Variants in SLC14A2 observed in about 807,000 individuals in gnomAD.
SLC14A2 encodes solute carrier family 14 member 2.
Under a neutral mutation model 104.6 loss-of-function variants are expected in SLC14A2, and 91 were observed. The ratio of observed to expected loss-of-function variants is 0.87; its 90% CI spans 0.73 to 1.04. The LOEUF (loss-of-function observed/expected upper bound fraction) is 1.04. Ranked by LOEUF, SLC14A2 falls within the 50% of genes least tolerant of loss-of-function variation. SLC14A2 has a pLI of 0.00. For missense variants in SLC14A2, 1,189 were observed against 1,156.0 expected (o/e 1.03, Z -0.41); for synonymous variants, 476 against 466.4 (o/e 1.02, Z -0.27).
At chr18:45,578,536 T>C (rs556703017) in intron 2 of SLC14A2, among the ~76,000 whole-genome samples, 60 of 152,124 alleles carry the variant, frequency 3.9e-4, no homozygotes, top group African/African-American at 1.4e-3. Context: ...AGCCAAGGAG[T>C]AAGAAAGGTA....
Position 45,424,322 on chromosome 18 carries a change from G to A in SLC14A2, c.-124-58911G>A, listed in dbSNP as rs142761706. On this transcript the variant is annotated intron_variant, in intron 1 of 20. Coordinates refer to the SLC14A2 transcript ENST00000586448. ...CCTCATGTATAAAGGGGTTGGTTCTGTAGAGTGAGACTCCATCCAGTGCTC... is the reference window on the plus strand; with the variant it reads ...CCTCATGTATAAAGGGGTTGGTTCTATAGAGTGAGACTCCATCCAGTGCTC... 1.4e-4 allele frequency among the ~76,000 whole-genome samples: 22 copies of A among 152,330 alleles called. No individual in the cohort carries two copies. The East Asian group carries it at 3.9e-3, about 27-fold the overall frequency.
intron 2 of SLC14A2, among the ~76,000 whole-genome samples, chr18:45,505,468 G>T (rs1166348887): frequency 6.6e-6 from 1 of 152,184 alleles, no homozygotes; most frequent in Admixed American, 6.5e-5. Flanking sequence ...CCCTGAGAAT[G>T]CTCCTGGGTT....
intron 1 of SLC14A2, among the ~76,000 whole-genome samples, chr18:45,406,480 T>C (rs1462604558): frequency 6.6e-6 from 1 of 152,204 alleles, no homozygotes; most frequent in Non-Finnish European, 1.5e-5. Context: ...AAACACCTGT[T>C]AATGTTGTAA....
At chr18:45,678,446 A>G (rs2046260991) in intron 18 of SLC14A2, among the ~76,000 whole-genome samples, 1 of 152,162 alleles carries the variant, frequency 6.6e-6, no homozygotes, top group Non-Finnish European at 1.5e-5. Context: ...GTACATTTTA[A>G]TAGCTTCTCC....
At chr18:45,610,299 G>C (rs995885682) in intron 2 of SLC14A2, among the ~76,000 whole-genome samples, 1 of 152,150 alleles carries the variant, frequency 6.6e-6, no homozygotes, top group Non-Finnish European at 1.5e-5. Context: ...GGAGTAGCAA[G>C]GGCATAAAAT....
intron 1 of SLC14A2, among the ~76,000 whole-genome samples, chr18:45,285,858 A>G (rs540264217): frequency 6.6e-6 from 1 of 152,208 alleles, no homozygotes; most frequent in African/African-American, 2.4e-5. Context: ...TCTGCACTAC[A>G]TTTCCTCAGA....
intron 1 of SLC14A2, among the ~76,000 whole-genome samples, chr18:45,232,265 C>T (rs1389023836): frequency 1.3e-5 from 2 of 152,132 alleles, no homozygotes; most frequent in Non-Finnish European, 2.9e-5. Context: ...GAAGCAAGCA[C>T]ATCTTATGTG....
chr18:45,304,831 T>C (rs1326491749), intron 1 of SLC14A2, among the ~76,000 whole-genome samples: 1 of 152,176 alleles, frequency 6.6e-6, no homozygotes, highest in East Asian at 1.9e-4. Flanking sequence ...CCCAAGAAGT[T>C]CATGAACCCT....
At chr18:45,233,051 C>A (rs560677728) in intron 1 of SLC14A2, among the ~76,000 whole-genome samples, 36 of 152,178 alleles carry the variant, frequency 2.4e-4, no homozygotes, top group Non-Finnish European at 4.4e-4. Flanking sequence ...CCCCCTCTTG[C>A]AGTTGTCTTT....
At chr18:45,352,358 T>C (rs1389258672) in intron 1 of SLC14A2, among the ~76,000 whole-genome samples, 1 of 152,182 alleles carries the variant, frequency 6.6e-6, no homozygotes, top group East Asian at 1.9e-4. Context: ...AGTTTTCCTC[T>C]TTTAGGTAGA....
At chr18:45,278,695 T>C (rs1047647112) in intron 1 of SLC14A2, among the ~76,000 whole-genome samples, 5 of 152,158 alleles carry the variant, frequency 3.3e-5, no homozygotes, top group Admixed American at 6.5e-5. Context: ...GAAACCTGTA[T>C]ATACTTGGAT....
At chr18:45,542,035 G>GTTTTTTTTTTTTTTTTTTTTTTTTTTT (rs60977948) in intron 2 of SLC14A2, among the ~76,000 whole-genome samples, 3 of 54,234 alleles carry the variant, frequency 5.5e-5, no homozygotes, top group African/African-American at 1.2e-4. Context: ...AAGAGAGAGG[G>GTTTTTTTTTTTTTTTTTTTTTTTTTTT]TTTTTTTTTT....
At chr18:45,313,412 C>T (rs965287790) in intron 1 of SLC14A2, among the ~76,000 whole-genome samples, 5 of 152,232 alleles carry the variant, frequency 3.3e-5, no homozygotes, top group Non-Finnish European at 7.3e-5. Flanking sequence ...CAACTAGACT[C>T]TTGACTAGGC....
chr18:45,650,174 ATTTGACC>A (rs939177322), intron 10 of SLC14A2, among the ~76,000 whole-genome samples: 10 of 1,186 alleles, frequency 8.4e-3, no homozygotes, highest in Non-Finnish European at 0.038. Flanking sequence ...TTGACCTTCC[ATTTGACC>A]AGGCCAGTGA....
intron 1 of SLC14A2, among the ~76,000 whole-genome samples, chr18:45,468,034 C>A (rs965080490): frequency 5.9e-5 from 9 of 152,134 alleles, no homozygotes; most frequent in African/African-American, 2.2e-4. Context: ...TCTCCTCTAC[C>A]AGCCACCACC....
chr18:45,501,464 T>C (rs1281081659), intron 2 of SLC14A2, among the ~76,000 whole-genome samples: 1 of 152,232 alleles, frequency 6.6e-6, no homozygotes, highest in East Asian at 1.9e-4. Flanking sequence ...AGTTGCTATG[T>C]AGTTCCAGCA....
At chr18:45,205,020 T>C in the SLC14A2 span, among the ~76,000 whole-genome samples, 1 of 152,062 alleles carries the variant, frequency 6.6e-6, no homozygotes, top group East Asian at 1.9e-4. Flanking sequence ...CCATAGGAAA[T>C]GTAAGTATTA....
At chr18:45,237,048 C>T (rs1024570413) in intron 1 of SLC14A2, among the ~76,000 whole-genome samples, 2 of 152,082 alleles carry the variant, frequency 1.3e-5, no homozygotes, top group African/African-American at 4.8e-5. Flanking sequence ...AGTGAGGAGA[C>T]CCACTATAGC....
chr18:45,365,132 C>A (rs953996582), intron 1 of SLC14A2, among the ~76,000 whole-genome samples: 1 of 152,208 alleles, frequency 6.6e-6, no homozygotes, highest in African/African-American at 2.4e-5. Flanking sequence ...CCCATGTGGA[C>A]TTCTAAGACC....
Sources: gnomAD v4.1 joint callset for allele counts (sites outside exome capture counted in the v4.1 genomes callset) on GRCh38, gnomAD v4.1.1 for gene constraint, MANE v1.5 for transcripts, NCBI Gene and HGNC (gene_info 2026-07-23, HGNC 2026-07-21) for gene names.